Variants in EPS15L1 observed in about 807,000 individuals in gnomAD.
EPS15L1 encodes the protein epidermal growth factor receptor pathway substrate 15 like 1, also known as epidermal growth factor receptor substrate 15-like 1.
A neutral mutation model predicts 117.1 loss-of-function variants in EPS15L1; 43 were observed. That is an observed-to-expected ratio of 0.37 (90% CI 0.29 to 0.47). EPS15L1 has a LOEUF of 0.47. Among genes scored for constraint, EPS15L1 ranks in the 20% least tolerant of loss-of-function variants. The probability of loss-of-function intolerance (pLI) is 0.99; values close to 1 mark genes in which losing one functional copy is unlikely to be tolerated. For missense variants in EPS15L1, 981 were observed against 1,164.0 expected (o/e 0.84, Z 2.29); for synonymous variants, 459 against 470.5 (o/e 0.98, Z 0.32).
At position 16,440,852 on chromosome 19, in the gene EPS15L1, G is replaced by A; in HGVS notation, c.213+10C>T. 6.2e-7 allele frequency: 1 copy of A among 1,613,910 alleles called. No individual in the cohort carries two copies. Among genetic ancestry groups the A allele is most frequent in the Non-Finnish European group, 8.5e-7 (1 of 1,179,800 alleles). On this transcript the variant is annotated intron_variant, in intron 4 of 23. Coordinates refer to ENST00000455140, the MANE Select transcript of EPS15L1 (RefSeq NM_001258374.3). Reference sequence around the variant, plus strand: ...GCCCCTCCATTTGCTCTGTGTACATGTGTATATACCTGTTTGTCCAAGAAC... The same window carrying A: ...GCCCCTCCATTTGCTCTGTGTACATATGTATATACCTGTTTGTCCAAGAAC...
intron 19 of EPS15L1, among the ~76,000 whole-genome samples, chr19:16,386,872 T>C (rs754959553): frequency 1.5e-4 from 23 of 152,214 alleles, no homozygotes; most frequent in Non-Finnish European, 2.8e-4. Flanking sequence ...CCAAGTTAAC[T>C]GCCTGCTGAA....
intron 22 of EPS15L1, among the ~76,000 whole-genome samples, chr19:16,375,983 G>T (rs552556035): frequency 2.6e-5 from 4 of 152,348 alleles, no homozygotes. Context: ...AGCCTGCTAG[G>T]TCCATTCCAG....
chr19:16,410,364 T>C (rs1599600403), intron 13 of EPS15L1, among the ~76,000 whole-genome samples: 1 of 152,068 alleles, frequency 6.6e-6, no homozygotes, highest in Non-Finnish European at 1.5e-5. Flanking sequence ...GGGAAATGGG[T>C]AAGTGTTGGT....
In EPS15L1 at chr19:16,370,645, C is replaced by G. The variant is rs1053833046; in HGVS notation, c.2380+6477G>C. ...AGTGTGCCCAGGAAGGCAAATGCTT[C>G]TATTTTCAAACTCAGTGGTCTTTAC... On this transcript the variant is annotated intron_variant, in intron 22 of 23. Coordinates refer to ENST00000455140, the MANE Select transcript of EPS15L1 (RefSeq NM_001258374.3). The surrounding 1 kb of genome is among the most constrained non-coding windows in gnomAD (Gnocchi z 5.2). 6.6e-6 allele frequency among the ~76,000 whole-genome samples: 1 copy of G among 152,204 alleles called. No homozygotes were observed. The highest frequency in any genetic ancestry group is 1.9e-4 in the East Asian group (1 of 5,202).
rs1457746565 is a variant in EPS15L1, at chr19:16,417,940, C to A, written c.1107+8G>T. The A allele has an allele frequency of 1.2e-6, 2 of 1,611,138 alleles. No individual in the cohort carries two copies. The highest frequency in any genetic ancestry group is 2.2e-5 in the East Asian group (1 of 44,886). On this transcript the variant is annotated splice_region_variant and intron_variant, in intron 11 of 23. Transcript: ENST00000455140. ...CAATACCCCCAGGGCATGACCAGCA[C>A]CACTCACCGGGCCGGGCGTGCCTCT...
intron 1 of EPS15L1, among the ~76,000 whole-genome samples, chr19:16,458,720 A>C (rs1179335810): frequency 6.6e-6 from 1 of 151,992 alleles, no homozygotes; most frequent in Admixed American, 6.5e-5. Flanking sequence ...ACATACACAC[A>C]ATCACACATG....
At chr19:16,431,751 T>C (rs1468651122) in intron 7 of EPS15L1, among the ~76,000 whole-genome samples, 1 of 152,010 alleles carries the variant, frequency 6.6e-6, no homozygotes, top group East Asian at 1.9e-4. Flanking sequence ...GATATGCTAA[T>C]TACCCTGCTG....
chr19:16,402,213 C>T, intron 16 of EPS15L1, 108 bp downstream of exon 16: 1 of 1,477,944 alleles, frequency 6.8e-7, no homozygotes, highest in Non-Finnish European at 9.0e-7. Flanking sequence ...GCCGCCTGCA[C>T]TTGGCTGGAA....
chr19:16,375,299 C>A (rs910818282), intron 22 of EPS15L1, among the ~76,000 whole-genome samples: 2 of 152,230 alleles, frequency 1.3e-5, no homozygotes, highest in Non-Finnish European at 2.9e-5. Flanking sequence ...CAGGTGCATG[C>A]ATGCATGTGT....
rs1055638340 is a variant in EPS15L1 at position 16,365,217 on chromosome 19, C to G, written c.2381-3233G>C. ...ACGGTGTGGGGCATGGCGGCCACCC[C>G]CCTCAGCCTGTTTCTTAATCCAAAC... is the stretch of plus-strand genomic sequence containing the variant. On this transcript the variant is annotated intron_variant, in intron 22 of 23. Transcript: ENST00000455140. This position sits in a 1 kb window ranked among gnomAD's most constrained non-coding sequence, Gnocchi z 4.9. Among the ~76,000 whole-genome samples the G allele has an allele frequency of 6.6e-5, 10 of 152,352 alleles. No homozygotes were observed. Among genetic ancestry groups the G allele is most frequent in the Admixed American group, 2.6e-4 (4 of 15,300 alleles).
At chr19:16,417,061 C>G (rs781086633) in intron 12 of EPS15L1, among the ~76,000 whole-genome samples, 4 of 152,238 alleles carry the variant, frequency 2.6e-5, no homozygotes, top group Non-Finnish European at 5.9e-5. Context: ...ATAACAAGGC[C>G]TTCCTAGCAC....
At chr19:16,389,646 C>T (rs922878737) in intron 19 of EPS15L1, among the ~76,000 whole-genome samples, 1 of 152,082 alleles carries the variant, frequency 6.6e-6, no homozygotes, top group Non-Finnish European at 1.5e-5. Flanking sequence ...ACAATACCCA[C>T]AATGGATTAA....
In EPS15L1 at chr19:16,421,413, T is replaced by A. The variant is rs903513331; in HGVS notation, c.856A>T (p.Thr286Ser). The A allele has an allele frequency of 1.2e-6, 2 of 1,613,988 alleles. No individual in the cohort carries two copies. Among genetic ancestry groups the A allele is most frequent in the African/African-American group, 2.7e-5 (2 of 74,920 alleles). Residue 286 changes from threonine (T) to serine (S), a missense_variant, in exon 10 of 24, where the codon ACC becomes TCC. Transcript: ENST00000455140. ...KMRFDEIFLK[T>S]DLDLDGYVSG... ...ACGTAGCCATCCAGGTCCAGGTCGG[T>A]CTTCAGGAATATCTCATCAAATCGC...
intron 13 of EPS15L1, 160 bp downstream of exon 13, chr19:16,413,612 TG>T: frequency 2.7e-6 from 2 of 730,352 alleles, no homozygotes; most frequent in Non-Finnish European, 4.5e-6. Context: ...GAATTCAGCC[TG>T]AAAAAAAAAA....
intron 16 of EPS15L1, chr19:16,401,077 G>T: frequency 1.4e-5 from 14 of 985,404 alleles, no homozygotes; most frequent in Non-Finnish European, 1.4e-5. Context: ...CATGAAGGAT[G>T]AATGCTCATC....
chr19:16,440,992 A>C, intron 3 of EPS15L1, 83 bp from the exon 4 acceptor site: 1 of 1,318,188 alleles, frequency 7.6e-7, no homozygotes, highest in Non-Finnish European at 1.1e-6. Flanking sequence ...CCACCACCCC[A>C]TCACTGGCCT....
chr19:16,452,390 G>A (rs563457454), intron 1 of EPS15L1, among the ~76,000 whole-genome samples: 4 of 151,398 alleles, frequency 2.6e-5, no homozygotes, highest in South Asian at 2.1e-4. Context: ...AGTTTGCAGC[G>A]AGCTGAGATT....
intron 9 of EPS15L1, among the ~76,000 whole-genome samples, chr19:16,421,998 C>T (rs1386883596): frequency 2.0e-5 from 3 of 152,188 alleles, no homozygotes; most frequent in Non-Finnish European, 4.4e-5. Context: ...CAAAGATACC[C>T]CCAAGGTGTG....
At chr19:16,435,436 C>T (rs570651399) in intron 6 of EPS15L1, 9 of 152,272 alleles carry the variant, frequency 5.9e-5, no homozygotes, top group African/African-American at 2.2e-4. Context: ...CAGTCTGTTC[C>T]ACCCTCCAAA....
Sources: allele counts gnomAD v4.1 joint callset (sites outside exome capture counted in the v4.1 genomes callset), GRCh38; gene constraint gnomAD v4.1.1; non-coding constraint Gnocchi (gnomAD v3.1); transcripts MANE v1.5; gene names NCBI Gene and HGNC (gene_info 2026-07-23, HGNC 2026-07-21).